Variants in TASP1 observed in about 807,000 individuals in gnomAD.
TASP1 encodes the protein taspase 1, also known as threonine aspartase 1.
TASP1 carries 16 observed loss-of-function variants against 56.6 expected under a neutral mutation model. The observed-to-expected ratio is 0.28, with a 90% CI of 0.19 to 0.43. TASP1 has a LOEUF of 0.43. Ranked by LOEUF, TASP1 falls within the 20% of genes least tolerant of loss-of-function variation. The probability of loss-of-function intolerance (pLI) is 1.00; values close to 1 mark genes in which losing one functional copy is unlikely to be tolerated. For synonymous variants in TASP1, 179 were observed against 184.2 expected (o/e 0.97, Z 0.23); for missense variants, 393 against 511.6 (o/e 0.77, Z 2.24).
the TASP1 span, among the ~76,000 whole-genome samples, chr20:13,380,398 A>C: frequency 1.3e-5 from 2 of 152,212 alleles, no homozygotes; most frequent in Admixed American, 6.5e-5. Context: ...GGGTATCACC[A>C]GCAGAGGCTG....
At chr20:13,335,321 TATGC>T in the TASP1 span, among the ~76,000 whole-genome samples, 1 of 131,142 alleles carries the variant, frequency 7.6e-6, no homozygotes, top group African/African-American at 3.3e-5. Flanking sequence ...TCCCCTCACC[TATGC>T]ACACACACAC....
chr20:13,330,439 T>G, the TASP1 span, among the ~76,000 whole-genome samples: 1 of 150,450 alleles, frequency 6.6e-6, no homozygotes, highest in Non-Finnish European at 1.5e-5. Context: ...GATGTGGACT[T>G]TTGCATCTAT....
intron 4 of TASP1, among the ~76,000 whole-genome samples, chr20:13,593,432 C>G (rs544429523): frequency 1.3e-5 from 2 of 152,228 alleles, no homozygotes; most frequent in African/African-American, 4.8e-5. Context: ...CACAAGGGGT[C>G]GGAGGATTTC....
At chr20:13,564,962 G>A (rs191557602) in intron 7 of TASP1, among the ~76,000 whole-genome samples, 8 of 142,988 alleles carry the variant, frequency 5.6e-5, no homozygotes, top group African/African-American at 7.9e-5. Context: ...GCAGAGGATC[G>A]CACCATTGCA....
chr20:13,499,925 C>A (rs530645383), intron 10 of TASP1, among the ~76,000 whole-genome samples: 1 of 152,038 alleles, frequency 6.6e-6, no homozygotes, highest in East Asian at 1.9e-4. Context: ...GGGAGCTATA[C>A]AATGAGTACA....
the TASP1 span, chr20:13,300,416 G>T: frequency 3.3e-5 from 5 of 150,876 alleles, no homozygotes; most frequent in African/African-American, 1.2e-4. Flanking sequence ...AATATAAAAG[G>T]GGGGGAGGGT....
the TASP1 span, among the ~76,000 whole-genome samples, chr20:13,266,917 G>A: frequency 6.6e-6 from 1 of 152,186 alleles, no homozygotes; most frequent in Non-Finnish European, 1.5e-5. Flanking sequence ...GGACCTCCAA[G>A]GGGGGCTCTG....
the TASP1 span, among the ~76,000 whole-genome samples, chr20:13,378,662 T>C: frequency 3.3e-5 from 5 of 152,166 alleles, no homozygotes; most frequent in Non-Finnish European, 5.9e-5. Flanking sequence ...CTGTCTGATA[T>C]TGACAGTGGG....
intron 11 of TASP1, among the ~76,000 whole-genome samples, chr20:13,477,023 A>AT (rs2042972499): frequency 6.6e-6 from 1 of 152,184 alleles, no homozygotes; most frequent in South Asian, 2.1e-4. Flanking sequence ...AGAACATTAT[A>AT]TTTTTTAAAT....
At chr20:13,142,378 A>C in the TASP1 span, among the ~76,000 whole-genome samples, 5 of 152,070 alleles carry the variant, frequency 3.3e-5, no homozygotes, top group Admixed American at 2.0e-4. Context: ...ATGGAATTCC[A>C]TGTTGGTTCA....
At chr20:13,158,373 G>A in the TASP1 span, among the ~76,000 whole-genome samples, 3 of 152,118 alleles carry the variant, frequency 2.0e-5, no homozygotes, top group Non-Finnish European at 4.4e-5. Flanking sequence ...GAGACGCCAG[G>A]TTAGACTAAT....
the TASP1 span, among the ~76,000 whole-genome samples, chr20:13,187,623 C>T: frequency 1.3e-5 from 2 of 150,924 alleles, no homozygotes; most frequent in Non-Finnish European, 2.9e-5. Context: ...TAGCGCACAC[C>T]TGTAGTCCCA....
chr20:13,335,989 A>G, the TASP1 span, among the ~76,000 whole-genome samples: 1 of 152,210 alleles, frequency 6.6e-6, no homozygotes, highest in Admixed American at 6.5e-5. Context: ...AGAGTCTAAG[A>G]CAATAAAAGA....
At chr20:13,140,720 AGGTCTTT>A in the TASP1 span, among the ~76,000 whole-genome samples, 3 of 152,212 alleles carry the variant, frequency 2.0e-5, no homozygotes, top group Non-Finnish European at 4.4e-5. Context: ...TAAAATGTCA[AGGTCTTT>A]TAAGTAACTA....
the TASP1 span, among the ~76,000 whole-genome samples, chr20:13,276,002 AC>A: frequency 6.6e-6 from 1 of 152,184 alleles, no homozygotes; most frequent in East Asian, 1.9e-4. Flanking sequence ...TGGGGTTGCC[AC>A]CCTTGTTCTT....
chr20:13,107,477 C>T, the TASP1 span, among the ~76,000 whole-genome samples: 4 of 152,048 alleles, frequency 2.6e-5, no homozygotes, highest in Non-Finnish European at 5.9e-5. Flanking sequence ...ATGCTGCCCA[C>T]GGTCAAGTAG....
intron 11 of TASP1, among the ~76,000 whole-genome samples, chr20:13,449,347 G>A (rs903487243): frequency 1.3e-5 from 2 of 152,042 alleles, no homozygotes. Context: ...TGCTCATTGT[G>A]TTTCCTTCTC....
chr20:13,558,441 G>A (rs112759513), intron 8 of TASP1, among the ~76,000 whole-genome samples: 131 of 152,200 alleles, frequency 8.6e-4, no homozygotes, highest in Non-Finnish European at 1.7e-3. Context: ...CAGTAGCCAC[G>A]AGCCAAATGT....
intron 5 of TASP1, among the ~76,000 whole-genome samples, chr20:13,584,074 A>T (rs2047217259): frequency 6.6e-6 from 1 of 152,028 alleles, no homozygotes; most frequent in Non-Finnish European, 1.5e-5. Context: ...CCAGAGCTAG[A>T]CTCCATCTCA....
Sources: gnomAD v4.1 joint callset for allele counts (sites outside exome capture counted in the v4.1 genomes callset) on GRCh38, gnomAD v4.1.1 for gene constraint, MANE v1.5 for transcripts, NCBI Gene and HGNC (gene_info 2026-07-23, HGNC 2026-07-21) for gene names.